TAX1BP1: variants seen among roughly 807,000 people sequenced by gnomAD.
The protein encoded by TAX1BP1 is Tax1 binding protein 1.
TAX1BP1 carries 62 observed loss-of-function variants against 97.7 expected under a neutral mutation model. The ratio of observed to expected loss-of-function variants is 0.63; its 90% CI spans 0.52 to 0.78. The LOEUF (loss-of-function observed/expected upper bound fraction) is 0.78. Among genes scored for constraint, TAX1BP1 ranks in the 30% least tolerant of loss-of-function variants. The pLI is 0.00. For missense variants in TAX1BP1, 867 were observed against 916.1 expected (o/e 0.95, Z 0.69); for synonymous variants, 340 against 304.2 (o/e 1.12, Z -1.23).
chr7:27,763,439 A>C (rs764143488), intron 3 of TAX1BP1, among the ~76,000 whole-genome samples: 1 of 152,118 alleles, frequency 6.6e-6, no homozygotes, highest in Non-Finnish European at 1.5e-5. Context: ...ATTTTTTAGC[A>C]GTTTATTTTA....
At chr7:27,792,309 A>G in intron 9 of TAX1BP1, 79 bp downstream of exon 9, 4 of 1,262,730 alleles carry the variant, frequency 3.2e-6, no homozygotes, top group Non-Finnish European at 4.4e-6. Context: ...TTGTGTTAAG[A>G]TAAGACAGGT....
At chr7:27,762,020 CTGTT>C (rs1481804783) in intron 3 of TAX1BP1, among the ~76,000 whole-genome samples, 2 of 152,140 alleles carry the variant, frequency 1.3e-5, no homozygotes, top group African/African-American at 4.8e-5. Flanking sequence ...TTTTGGTGGT[CTGTT>C]TGTTTAAAAA....
intron 13 of TAX1BP1, among the ~76,000 whole-genome samples, chr7:27,813,345 CTTTTCTTTTTT>C (rs552458651): frequency 1.5e-4 from 22 of 150,452 alleles, no homozygotes; most frequent in African/African-American, 3.9e-4. Context: ...GTTTTCTTTT[CTTTTCTTTTTT>C]TTTTCTTTTT....
In TAX1BP1 at chr7:27,811,820, T is replaced by C. The variant is rs570032112; in HGVS notation, c.1765-4529T>C. Among the ~76,000 whole-genome samples the C allele has an allele frequency of 4.6e-5, 7 of 152,318 alleles. 1 individual carries two copies. The South Asian group carries it at 1.4e-3, about 32-fold the overall frequency. On this transcript the variant is annotated intron_variant, in intron 13 of 16. Coordinates refer to ENST00000396319, the MANE Select transcript of TAX1BP1 (RefSeq NM_006024.7). ...TGGTCTGCTTTCTGTCCCTGTCGTT[T>C]TATGGCTTCTAGCATTTCATGTAAT...
chr7:27,795,779 C>T (rs943759327), intron 11 of TAX1BP1, among the ~76,000 whole-genome samples: 7 of 152,178 alleles, frequency 4.6e-5, no homozygotes, highest in Non-Finnish European at 7.3e-5. Context: ...GTCTCGATCT[C>T]CTGCCTCGGC....
chr7:27,821,146 C>T (rs1790957253), intron 15 of TAX1BP1, among the ~76,000 whole-genome samples: 1 of 150,694 alleles, frequency 6.6e-6, no homozygotes, highest in African/African-American at 2.5e-5. Flanking sequence ...ATTTTTTGTA[C>T]ACAGTTATTT....
At chr7:27,764,089 G>C (rs912103514) in intron 3 of TAX1BP1, among the ~76,000 whole-genome samples, 1 of 152,084 alleles carries the variant, frequency 6.6e-6, no homozygotes, top group Non-Finnish European at 1.5e-5. Context: ...GCCCATCTTC[G>C]TGTCATGTGA....
chr7:27,813,076 C>T (rs894442467), intron 13 of TAX1BP1, among the ~76,000 whole-genome samples: 5 of 151,322 alleles, frequency 3.3e-5, no homozygotes, highest in East Asian at 1.9e-4. Context: ...AATACTATAC[C>T]GTCTTGTTTA....
Position 27,758,345 on chromosome 7 carries a change from TCTTAA to T in TAX1BP1, c.265+216_265+220del, listed in dbSNP as rs1788304016. 3 of 350,936 alleles carry T rather than the reference TCTTAA, an allele frequency of 8.5e-6. No homozygotes were observed. The Admixed American group carries it at 1.4e-4, about 16-fold the overall frequency. 21.7% of individuals were successfully genotyped at this position (350,936 alleles called of 1,614,324 possible). A position where few individuals can be genotyped will look rare whatever the true frequency, so the allele number is the denominator to read the frequency against. ...GACATTTAAAAGTTATTGGTTGTTG[TCTTAA>T]CTTTCACTGAAGAGTGGGTTTCTTT... is the stretch of plus-strand genomic sequence containing the variant. On this transcript the variant is annotated intron_variant, in intron 3 of 16. Transcript: ENST00000396319.
chr7:27,819,721 G>A (rs571735284), intron 15 of TAX1BP1, among the ~76,000 whole-genome samples: 1 of 152,180 alleles, frequency 6.6e-6, no homozygotes, highest in African/African-American at 2.4e-5. Flanking sequence ...AGTTGAGGAA[G>A]GTACTGAATG....
intron 1 of TAX1BP1, among the ~76,000 whole-genome samples, chr7:27,741,221 G>A (rs1562690465): frequency 6.6e-6 from 1 of 152,170 alleles, no homozygotes; most frequent in Non-Finnish European, 1.5e-5. Flanking sequence ...TACGAGCTGT[G>A]CACGAACAAT....
chr7:27,798,792 A>C (rs1218315422), intron 12 of TAX1BP1, among the ~76,000 whole-genome samples: 1 of 150,980 alleles, frequency 6.6e-6, no homozygotes, highest in Non-Finnish European at 1.5e-5. Context: ...TAATGACTTG[A>C]TGTTGAGCAT....
At chr7:27,779,955 A>G (rs1247393038) in intron 5 of TAX1BP1, among the ~76,000 whole-genome samples, 3 of 152,206 alleles carry the variant, frequency 2.0e-5, no homozygotes, top group African/African-American at 7.2e-5. Flanking sequence ...GAAGTAATAT[A>G]TATCATTTCA....
intron 16 of TAX1BP1, 30 bp downstream of exon 16, chr7:27,827,850 G>A (rs1265429264): frequency 3.8e-6 from 6 of 1,593,454 alleles, no homozygotes; most frequent in Non-Finnish European, 4.3e-6. Context: ...TGTAGAATTT[G>A]GGTTATATCG....
chr7:27,765,754 A>C, intron 3 of TAX1BP1, 80 bp from the exon 4 acceptor site: 1 of 1,233,822 alleles, frequency 8.1e-7, no homozygotes. Context: ...GGAATGAGAC[A>C]TGGCAAGTAT....
At chr7:27,753,286 C>T (rs771515134) in intron 2 of TAX1BP1, among the ~76,000 whole-genome samples, 1 of 151,722 alleles carries the variant, frequency 6.6e-6, no homozygotes, top group Non-Finnish European at 1.5e-5. Context: ...GGCGACAGAG[C>T]GAGACTCCGT....
chr7:27,815,280 T>G (rs1790722375), intron 13 of TAX1BP1, among the ~76,000 whole-genome samples: 1 of 152,164 alleles, frequency 6.6e-6, no homozygotes, highest in African/African-American at 2.4e-5. Context: ...TATAGCTGCC[T>G]TTTATGAGGT....
chr7:27,814,927 C>T (rs938342994), intron 13 of TAX1BP1, among the ~76,000 whole-genome samples: 8 of 152,096 alleles, frequency 5.3e-5, no homozygotes, highest in Non-Finnish European at 1.0e-4. Flanking sequence ...TTAGTAGAGA[C>T]GGGATTCCAC....
intron 3 of TAX1BP1, among the ~76,000 whole-genome samples, chr7:27,761,946 T>C (rs960074380): frequency 2.0e-5 from 3 of 152,232 alleles, no homozygotes; most frequent in Non-Finnish European, 4.4e-5. Context: ...CTACCTGCAA[T>C]GAATGATGAG....
Sources: allele counts gnomAD v4.1 joint callset (sites outside exome capture counted in the v4.1 genomes callset), GRCh38; gene constraint gnomAD v4.1.1; transcripts MANE v1.5; gene names NCBI Gene and HGNC (gene_info 2026-07-23, HGNC 2026-07-21).